Variants in PKIA observed in about 807,000 individuals in gnomAD.
The protein encoded by PKIA is cAMP-dependent protein kinase inhibitor alpha, also known as PKI-alpha.
A neutral mutation model predicts 7.6 loss-of-function variants in PKIA; 4 were observed. The observed-to-expected ratio is 0.52, with a 90% CI of 0.26 to 1.20. PKIA has a LOEUF of 1.20. Ranked by LOEUF, PKIA falls within the 50% of genes most tolerant of loss-of-function variation. The probability of loss-of-function intolerance (pLI) is 0.13; values close to 1 mark genes in which losing one functional copy is unlikely to be tolerated. For synonymous variants in PKIA, 21 were observed against 30.7 expected (o/e 0.68, Z 1.04); for missense variants, 73 against 86.2 (o/e 0.85, Z 0.61).
intron 2 of PKIA, among the ~76,000 whole-genome samples, chr8:78,584,287 A>G (rs1807896552): frequency 6.6e-6 from 1 of 152,112 alleles, no homozygotes; most frequent in Admixed American, 6.6e-5. Context: ...GGGGCCAGCC[A>G]TTGGTAAGTT....
At chr8:78,524,134 A>G (rs1485048348) in intron 1 of PKIA, among the ~76,000 whole-genome samples, 109 of 136,672 alleles carry the variant, frequency 8.0e-4, no homozygotes, top group African/African-American at 2.9e-3. Flanking sequence ...TTATATTTAT[A>G]TATAAACATT....
intron 2 of PKIA, among the ~76,000 whole-genome samples, chr8:78,585,600 T>C (rs1807933242): frequency 6.6e-6 from 1 of 152,172 alleles, no homozygotes; most frequent in South Asian, 2.1e-4. Flanking sequence ...GAAATTAGCA[T>C]CTGCAGAGAA....
rs1487593855 is a variant in PKIA at position 78,588,190 on chromosome 8, GA to G, written c.-27-10167del. On this transcript the variant is annotated intron_variant, in intron 2 of 3. Coordinates refer to ENST00000396418, the MANE Select transcript of PKIA (RefSeq NM_006823.4). ...GTGACTGGAAAGATAAGAACTGGTT[GA>G]GAAGACCAATAGGAGAATACCAAGA... 2.0e-5 allele frequency among the ~76,000 whole-genome samples: 3 copies of G among 152,312 alleles called. No individual in the cohort carries two copies. The East Asian group carries it at 5.8e-4, about 29-fold the overall frequency.
At chr8:78,598,122 T>C (rs1808270257) in intron 2 of PKIA, among the ~76,000 whole-genome samples, 2 of 148,240 alleles carry the variant, frequency 1.3e-5, no homozygotes, top group South Asian at 4.2e-4. Flanking sequence ...ATTAATATAT[T>C]AATATTAAAT....
At chr8:78,581,979 C>T (rs559491445) in intron 2 of PKIA, among the ~76,000 whole-genome samples, 1 of 152,028 alleles carries the variant, frequency 6.6e-6, no homozygotes, top group East Asian at 1.9e-4. Flanking sequence ...GTCTTTTTTA[C>T]TGTCATTTCA....
intron 1 of PKIA, among the ~76,000 whole-genome samples, chr8:78,523,943 CATTTAT>C (rs1563565488): frequency 6.1e-5 from 8 of 131,510 alleles, no homozygotes; most frequent in Non-Finnish European, 4.7e-5. Flanking sequence ...TATATATAAA[CATTTAT>C]ATTTATATAT....
At chr8:78,588,241 G>A (rs1042144649) in intron 2 of PKIA, among the ~76,000 whole-genome samples, 1 of 152,138 alleles carries the variant, frequency 6.6e-6, no homozygotes, top group Non-Finnish European at 1.5e-5. Flanking sequence ...AATACTTTGG[G>A]AGGCTGAGGC....
intron 1 of PKIA, among the ~76,000 whole-genome samples, chr8:78,542,015 T>C (rs969691580): frequency 1.3e-5 from 2 of 151,932 alleles, no homozygotes; most frequent in Non-Finnish European, 2.9e-5. Flanking sequence ...ACAAAAAATA[T>C]ATTTTAAAAA....
chr8:78,571,211 G>T (rs1807539473), intron 1 of PKIA, among the ~76,000 whole-genome samples: 1 of 151,332 alleles, frequency 6.6e-6, no homozygotes, highest in African/African-American at 2.4e-5. Context: ...TAGACACTTA[G>T]GACCTTTGAT....
intron 1 of PKIA, among the ~76,000 whole-genome samples, chr8:78,538,517 T>C (rs1436842893): frequency 3.3e-5 from 5 of 151,990 alleles, no homozygotes; most frequent in African/African-American, 1.2e-4. Flanking sequence ...TAAATAACAG[T>C]GATTCTGGTG....
chr8:78,604,087 A>G lies in PKIA; in HGVS notation c.*2266A>G, dbSNP rs939958212. 6.6e-6 allele frequency: 1 copy of G among 151,936 alleles called. No homozygotes were observed. The highest frequency in any genetic ancestry group is 2.4e-5 in the African/African-American group (1 of 41,396). The allele number at this position is 151,936 out of a possible 1,614,324, so 9.4% of individuals were successfully genotyped here. A position where few individuals can be genotyped will look rare whatever the true frequency, so the allele number is the denominator to read the frequency against. Reference sequence around the variant, plus strand: ...TTTGCTTATTCATGGCATCTTTCAAATTTTATTTTAGTTTCCTTTATTTGC... The same window carrying G: ...TTTGCTTATTCATGGCATCTTTCAAGTTTTATTTTAGTTTCCTTTATTTGC... On this transcript the variant is annotated 3_prime_UTR_variant, in exon 4 of 4. Transcript: ENST00000396418.
chr8:78,541,223 T>A (rs1806678481), intron 1 of PKIA, among the ~76,000 whole-genome samples: 1 of 152,146 alleles, frequency 6.6e-6, no homozygotes, highest in Non-Finnish European at 1.5e-5. Flanking sequence ...TCAGTGGCAT[T>A]TAACTCTCAC....
intron 1 of PKIA, among the ~76,000 whole-genome samples, chr8:78,551,797 G>A (rs536294903): frequency 5.9e-5 from 9 of 151,830 alleles, no homozygotes; most frequent in Non-Finnish European, 1.3e-4. Context: ...GGCTCTTCCC[G>A]GTATTTAAAA....
intron 1 of PKIA, chr8:78,533,968 C>T (rs34784838): frequency 0.083 from 12,586 of 152,118 alleles, 575 homozygotes; most frequent in Middle Eastern, 0.17. Context: ...AGAAGCTTTA[C>T]AAGATTAAAG....
chr8:78,594,364 A>G (rs1299377852), intron 2 of PKIA, among the ~76,000 whole-genome samples: 1 of 116,016 alleles, frequency 8.6e-6, no homozygotes, highest in African/African-American at 3.4e-5. Flanking sequence ...GGTTGAAGTT[A>G]AAAAAAAAAA....
chr8:78,600,874 T>C (rs1002370007), intron 3 of PKIA, among the ~76,000 whole-genome samples: 18 of 152,180 alleles, frequency 1.2e-4, no homozygotes, highest in African/African-American at 4.1e-4. Context: ...CCAACTTACC[T>C]GCTTTTATTT....
At chr8:78,532,275 A>G (rs776266445) in intron 1 of PKIA, among the ~76,000 whole-genome samples, 1 of 152,100 alleles carries the variant, frequency 6.6e-6, no homozygotes, top group Non-Finnish European at 1.5e-5. Flanking sequence ...CTTTTATAAA[A>G]GTCCATAAAT....
At chr8:78,594,875 G>A (rs949195215) in intron 2 of PKIA, among the ~76,000 whole-genome samples, 5 of 152,160 alleles carry the variant, frequency 3.3e-5, no homozygotes, top group Non-Finnish European at 5.9e-5. Flanking sequence ...CAGATGTCCC[G>A]TATCTTCTCA....
At chr8:78,562,747 T>G (rs1012647436) in intron 1 of PKIA, among the ~76,000 whole-genome samples, 3 of 152,116 alleles carry the variant, frequency 2.0e-5, no homozygotes, top group African/African-American at 7.2e-5. Context: ...TTTGTTTACT[T>G]ATGTACTCTA....
Sources: gnomAD v4.1 joint callset for allele counts (sites outside exome capture counted in the v4.1 genomes callset) on GRCh38, gnomAD v4.1.1 for gene constraint, MANE v1.5 for transcripts, NCBI Gene and HGNC (gene_info 2026-07-23, HGNC 2026-07-21) for gene names.